NCOR2: variants seen among roughly 807,000 people sequenced by gnomAD.
The protein encoded by NCOR2 is nuclear receptor corepressor 2.
A neutral mutation model predicts 262.9 loss-of-function variants in NCOR2; 81 were observed. That is an observed-to-expected ratio of 0.31 (90% CI 0.26 to 0.37). NCOR2 has a LOEUF of 0.37. NCOR2 is among the 10% of genes least tolerant of loss of function. The pLI is 1.00. For synonymous variants in NCOR2, 1,659 were observed against 1,559.3 expected (o/e 1.06, Z -1.51); for missense variants, 3,385 against 3,621.4 (o/e 0.93, Z 1.68).
intron 16 of NCOR2, 44 bp downstream of exon 18, chr12:124,398,075 T>G (rs746287824): frequency 6.2e-7 from 1 of 1,612,038 alleles, no homozygotes; most frequent in African/African-American, 1.3e-5. Flanking sequence ...TCAGGCGCCC[T>G]GGATGCAAAC....
chr12:124,382,983 A>C (rs535330503), intron 17 of NCOR2, among the ~76,000 whole-genome samples: 1 of 152,314 alleles, frequency 6.6e-6, no homozygotes. Context: ...CAAAGCCACC[A>C]GCTCCAAAGC....
chr12:124,391,533 C>T (rs1025900151), intron 16 of NCOR2, among the ~76,000 whole-genome samples: 5 of 152,134 alleles, frequency 3.3e-5, no homozygotes, highest in Non-Finnish European at 7.3e-5. Context: ...ACGGTGCCTC[C>T]GCATTGACAC....
intron 13 of NCOR2, among the ~76,000 whole-genome samples, chr12:124,407,228 A>G (rs995616149): frequency 6.6e-6 from 1 of 152,224 alleles, no homozygotes; most frequent in Non-Finnish European, 1.5e-5. Flanking sequence ...AACTGTATGG[A>G]GCTTGTATTT....
chr12:124,555,691 C>T (rs1008867955), intron 1 of NCOR2, among the ~76,000 whole-genome samples: 6 of 152,204 alleles, frequency 3.9e-5, no homozygotes, highest in African/African-American at 1.2e-4. Context: ...CCCGGGAATC[C>T]GCCCAGAAAG....
intron 1 of NCOR2, among the ~76,000 whole-genome samples, chr12:124,529,143 C>T (rs1415831919): frequency 7.8e-6 from 1 of 128,986 alleles, no homozygotes; most frequent in African/African-American, 3.1e-5. Flanking sequence ...CGTGCCATTG[C>T]ACTCCAGCCT....
At chr12:124,455,730 G>A (rs1294190498) in intron 6 of NCOR2, among the ~76,000 whole-genome samples, 1 of 152,232 alleles carries the variant, frequency 6.6e-6, no homozygotes, top group Admixed American at 6.5e-5. Flanking sequence ...TTAACCCTGG[G>A]AAGACCCTGG....
At chr12:124,388,867 A>T in intron 16 of NCOR2, 1 of 6,840 alleles carries the variant, frequency 1.5e-4, no homozygotes, top group Non-Finnish European at 2.9e-4. Flanking sequence ...TCCCACGGTG[A>T]GGGAGGGAGG....
At chr12:124,392,299 C>G (rs2041361304) in intron 16 of NCOR2, among the ~76,000 whole-genome samples, 1 of 152,208 alleles carries the variant, frequency 6.6e-6, no homozygotes, top group African/African-American at 2.4e-5. Context: ...CCCCAAGTTC[C>G]TGCAGAAACC....
intron 27 of NCOR2, among the ~76,000 whole-genome samples, chr12:124,353,693 C>A (rs1418285109): frequency 6.6e-6 from 1 of 152,254 alleles, no homozygotes; most frequent in Non-Finnish European, 1.5e-5. Flanking sequence ...GAATGCTGTT[C>A]CCTGAGATTC....
rs2044766268 is a variant in NCOR2 at position 124,440,920 on chromosome 12, G to GT, written c.816-2925dup. 6.6e-6 allele frequency among the ~76,000 whole-genome samples: 1 copy of GT among 152,182 alleles called. No individual in the cohort carries two copies. Among genetic ancestry groups the GT allele is most frequent in the Non-Finnish European group, 1.5e-5 (1 of 68,038 alleles). On this transcript the variant is annotated intron_variant, in intron 7 of 46. Coordinates refer to ENST00000405201, the Ensembl canonical transcript of NCOR2. The surrounding 1 kb of genome is among the most constrained non-coding windows in gnomAD (Gnocchi z 5.7). ...ACCGCAGGAGACAGGAACAAACTCT[G>GT]TGTATCGGAAGCACAGACAGAGGAA...
chr12:124,342,509 A>G (rs2036537207), intron 33 of NCOR2, among the ~76,000 whole-genome samples: 1 of 152,104 alleles, frequency 6.6e-6, no homozygotes, highest in East Asian at 1.9e-4. Flanking sequence ...AGCTGGGACT[A>G]CAGGCGCCCG....
At chr12:124,329,305 TA>T (rs2034973580) in intron 44 of NCOR2, 1 of 347,608 alleles carries the variant, frequency 2.9e-6, no homozygotes, top group South Asian at 2.2e-5. Context: ...CTACTAAAAA[TA>T]CAAAAATTAG....
chr12:124,384,617 G>A (rs879862099), intron 17 of NCOR2, among the ~76,000 whole-genome samples: 2 of 152,186 alleles, frequency 1.3e-5, no homozygotes, highest in African/African-American at 2.4e-5. Context: ...TCTGCACAGT[G>A]CTTGGGCGGA....
At chr12:124,478,746 T>G in intron 3 of NCOR2, among the ~76,000 whole-genome samples, 1 of 148,664 alleles carries the variant, frequency 6.7e-6, no homozygotes, top group South Asian at 2.2e-4. Context: ...GACAGACAGA[T>G]CGAGAAACAG....
At chr12:124,340,439 A>G (rs765484088) in exon 36 of NCOR2, 1 of 1,611,536 alleles carries the variant, frequency 6.2e-7, no homozygotes, top group Non-Finnish European at 8.5e-7. Flanking sequence ...AGTGTGTTGG[A>G]CCTCCTAGGA....
At chr12:124,487,773 C>T (rs1042696013) in intron 1 of NCOR2, among the ~76,000 whole-genome samples, 1 of 151,442 alleles carries the variant, frequency 6.6e-6, no homozygotes, top group Non-Finnish European at 1.5e-5. Flanking sequence ...GTTTCTTTAA[C>T]ACATTATCCA....
At chr12:124,411,602 C>T (rs2136244276) in intron 13 of NCOR2, among the ~76,000 whole-genome samples, 1 of 152,386 alleles carries the variant, frequency 6.6e-6, no homozygotes, top group South Asian at 2.1e-4. Context: ...CATCCTCGCT[C>T]CCCAACGGTC....
At chr12:124,446,278 C>G (rs900699657) in intron 7 of NCOR2, among the ~76,000 whole-genome samples, 2 of 152,210 alleles carry the variant, frequency 1.3e-5, no homozygotes, top group Non-Finnish European at 2.9e-5. Flanking sequence ...CCATGGTATT[C>G]TCACCCCTAC....
chr12:124,472,927 T>TCC (rs1406755532), intron 4 of NCOR2, 25 bp downstream of exon 6: 14 of 1,611,718 alleles, frequency 8.7e-6, no homozygotes, highest in Non-Finnish European at 1.2e-5. Context: ...GAACAAACAC[T>TCC]CCCCCTCCCC....
Sources: allele counts gnomAD v4.1 joint callset (sites outside exome capture counted in the v4.1 genomes callset), GRCh38; gene constraint gnomAD v4.1.1; non-coding constraint Gnocchi (gnomAD v3.1); transcripts MANE v1.5; gene names NCBI Gene and HGNC (gene_info 2026-07-23, HGNC 2026-07-21).